Variants in PPP2R2B observed in about 807,000 individuals in gnomAD.
PPP2R2B encodes the protein serine/threonine-protein phosphatase 2A 55 kDa regulatory subunit B beta isoform.
PPP2R2B carries 5 observed loss-of-function variants against 46.0 expected under a neutral mutation model. That is an observed-to-expected ratio of 0.11 (90% CI 0.06 to 0.23). PPP2R2B has a LOEUF of 0.23. PPP2R2B is among the 10% of genes least tolerant of loss of function. The probability of loss-of-function intolerance (pLI) is 1.00; values close to 1 mark genes in which losing one functional copy is unlikely to be tolerated. For synonymous variants in PPP2R2B, 215 were observed against 206.7 expected, an observed-to-expected ratio of 1.04 and a Z score of -0.34; for missense variants, 367 against 575.0, an observed-to-expected ratio of 0.64 and a Z score of 3.70.
chr5:147,063,372 G>A (rs1757325837), intron 2 of PPP2R2B, among the ~76,000 whole-genome samples: 1 of 152,126 alleles, frequency 6.6e-6, no homozygotes, highest in Admixed American at 6.6e-5. Flanking sequence ...TTTATTATAA[G>A]TTAATGGAAT....
chr5:146,648,590 G>T (rs548803750), intron 6 of PPP2R2B, among the ~76,000 whole-genome samples: 7 of 152,214 alleles, frequency 4.6e-5, no homozygotes, highest in African/African-American at 1.7e-4. Context: ...TGCTCTTGTA[G>T]AATTTACATC....
chr5:146,758,715 A>C (rs1753982224), intron 2 of PPP2R2B, among the ~76,000 whole-genome samples: 1 of 152,152 alleles, frequency 6.6e-6, no homozygotes, highest in African/African-American at 2.4e-5. Context: ...AAGAATGAAC[A>C]GAAACCACTC....
intron 2 of PPP2R2B, chr5:146,706,279 G>A: frequency 2.0e-6 from 1 of 504,602 alleles, no homozygotes; most frequent in South Asian, 1.7e-5. Context: ...CCATGGCCCT[G>A]GTGGAGCTGG....
chr5:146,891,974 G>T (rs319187), intron 1 of PPP2R2B, among the ~76,000 whole-genome samples: 70,890 of 152,010 alleles, frequency 0.47, 17,848 homozygotes, highest in East Asian at 0.7. Flanking sequence ...CACATGCTCT[G>T]CCTTGAAGGA....
chr5:146,832,510 G>A (rs954638070), intron 2 of PPP2R2B, among the ~76,000 whole-genome samples: 5 of 142,680 alleles, frequency 3.5e-5, no homozygotes, highest in African/African-American at 1.3e-4. Context: ...TCCTGCCTCA[G>A]CCTCCCAAGT....
At chr5:146,791,386 A>T (rs760385097) in intron 2 of PPP2R2B, among the ~76,000 whole-genome samples, 4 of 151,972 alleles carry the variant, frequency 2.6e-5, no homozygotes, top group African/African-American at 9.6e-5. Flanking sequence ...TTTTCAGCCC[A>T]ATCTGCTGTG....
At chr5:146,762,074 C>G (rs747682123) in intron 2 of PPP2R2B, among the ~76,000 whole-genome samples, 15 of 152,306 alleles carry the variant, frequency 9.8e-5, no homozygotes, top group Non-Finnish European at 1.5e-4. Context: ...TTAAACAGCT[C>G]TGACTCCAAA....
chr5:146,861,913 C>T (rs1429445614), intron 2 of PPP2R2B, among the ~76,000 whole-genome samples: 2 of 148,134 alleles, frequency 1.4e-5, no homozygotes, highest in African/African-American at 2.5e-5. Context: ...TATTAATAAA[C>T]TTTCACATAA....
chr5:146,583,799 C>A lies in PPP2R2B; in HGVS notation c.*6148G>T, dbSNP rs1316332698. 1.3e-5 allele frequency: 2 copies of A among 152,218 alleles called. No individual in the cohort carries two copies. The highest frequency in any genetic ancestry group is 1.9e-4 in the East Asian group (1 of 5,200). The allele number at this position is 152,218 out of a possible 1,614,324, so 9.4% of individuals were successfully genotyped here. On this transcript the variant is annotated 3_prime_UTR_variant, in exon 10 of 10. Transcript: ENST00000394411. ...TACCACTGAGGAAAGCCCCTGTTCC[C>A]TTCTACTCCAGCTTCCTCAGTCTTC... is the stretch of plus-strand genomic sequence containing the variant.
At chr5:146,754,622 C>T (rs1290915761) in intron 2 of PPP2R2B, among the ~76,000 whole-genome samples, 1 of 152,162 alleles carries the variant, frequency 6.6e-6, no homozygotes, top group Non-Finnish European at 1.5e-5. Context: ...TGACAAGGTG[C>T]CACTTCCAAG....
intron 1 of PPP2R2B, among the ~76,000 whole-genome samples, chr5:147,000,802 G>T (rs544052423): frequency 2.0e-5 from 3 of 152,048 alleles, no homozygotes; most frequent in Admixed American, 6.6e-5. Context: ...ATCAGCAAAT[G>T]TCCCTTGGTT....
chr5:146,643,975 T>A (rs1775403294), intron 6 of PPP2R2B, among the ~76,000 whole-genome samples: 1 of 152,142 alleles, frequency 6.6e-6, no homozygotes, highest in Non-Finnish European at 1.5e-5. Context: ...AGATAATATG[T>A]AACTGAAAGG....
intron 2 of PPP2R2B, among the ~76,000 whole-genome samples, chr5:146,766,089 C>T (rs1386835761): frequency 6.6e-6 from 1 of 152,060 alleles, no homozygotes; most frequent in Non-Finnish European, 1.5e-5. Context: ...AAAAAGGAGC[C>T]AATGGCATCT....
chr5:147,070,669 G>C (rs950258143), intron 2 of PPP2R2B, among the ~76,000 whole-genome samples: 1 of 152,122 alleles, frequency 6.6e-6, no homozygotes, highest in Admixed American at 6.6e-5. Context: ...CACCACCCTT[G>C]GCACAGTGGT....
chr5:146,620,171 C>T (rs1177710140), intron 7 of PPP2R2B, among the ~76,000 whole-genome samples: 6 of 152,022 alleles, frequency 3.9e-5, no homozygotes, highest in South Asian at 2.1e-4. Context: ...AACTTTCTTA[C>T]GAAGGAGACT....
At chr5:146,867,241 A>G (rs2151403470) in intron 2 of PPP2R2B, among the ~76,000 whole-genome samples, 1 of 152,306 alleles carries the variant, frequency 6.6e-6, no homozygotes, top group South Asian at 2.1e-4. Flanking sequence ...TGCGATATCT[A>G]TGGTCTTGTT....
At chr5:146,706,708 T>G (rs1249846346) in intron 2 of PPP2R2B, 2 of 864,444 alleles carry the variant, frequency 2.3e-6, no homozygotes, top group African/African-American at 1.7e-5. Context: ...ATCTCAGAGA[T>G]CTCAGTCTTT....
At chr5:146,939,364 C>A (rs1050289440) in intron 1 of PPP2R2B, among the ~76,000 whole-genome samples, 2 of 152,152 alleles carry the variant, frequency 1.3e-5, no homozygotes, top group Non-Finnish European at 2.9e-5. Context: ...CTGTGAGACC[C>A]TGAGCACATG....
intron 2 of PPP2R2B, among the ~76,000 whole-genome samples, chr5:146,731,626 G>A (rs531943619): frequency 5.0e-4 from 76 of 152,194 alleles, no homozygotes; most frequent in African/African-American, 1.7e-3. Context: ...CAAAACCTTG[G>A]GAGAGTCAGT....
Sources: allele counts gnomAD v4.1 joint callset (sites outside exome capture counted in the v4.1 genomes callset), GRCh38; gene constraint gnomAD v4.1.1; transcripts MANE v1.5; gene names NCBI Gene and HGNC (gene_info 2026-07-23, HGNC 2026-07-21).